The following FGF5 variants were observed in gnomAD, a reference collection of about 807,000 sequenced individuals.
FGF5 encodes fibroblast growth factor 5.
Under a neutral mutation model 21.8 loss-of-function variants are expected in FGF5, and 23 were observed. The ratio of observed to expected loss-of-function variants is 1.05; its 90% confidence interval spans 0.76 to 1.49. The LOEUF (loss-of-function observed/expected upper bound fraction) is 1.49, where lower values mean the gene tolerates loss of function less well. Among genes scored for constraint, FGF5 ranks in the 40% most tolerant of loss-of-function variants. FGF5 has a pLI of 0.00. For missense variants in FGF5, 352 were observed against 332.9 expected (o/e 1.06, Z -0.45); for synonymous variants, 158 against 124.0 (o/e 1.27, Z -1.82).
At position 80,274,920 on chromosome 4, in the gene FGF5, A is replaced by C. The variant is rs758053247; in HGVS notation, c.367A>C (p.Ile123Leu). The change falls in exon 2 of 3, where the codon ATA becomes CTA. Residue 123 changes from isoleucine to leucine, a missense_variant. By Grantham distance (5) the Ile-to-Leu change is conservative. Transcript: ENST00000312465. ...HEANMLSVLE[I>L]FAVSQGIVGI... is the part of the protein sequence containing the mutation. ...TTCTGTCATCCTAGGTGTTTTGGAAATATTTGCTGTGTCTCAGGGGATTGT... is the reference window on the plus strand; with the variant it reads ...TTCTGTCATCCTAGGTGTTTTGGAACTATTTGCTGTGTCTCAGGGGATTGT... 53 of 1,553,160 alleles carry C rather than the reference A, an allele frequency of 3.4e-5. 1 individual carries two copies. In the South Asian group the frequency reaches 6.0e-4, roughly 18 times the overall value.
intron 1 of FGF5, among the ~76,000 whole-genome samples, chr4:80,274,132 A>G (rs1283276854): frequency 6.6e-6 from 1 of 152,144 alleles, no homozygotes; most frequent in South Asian, 2.1e-4. Flanking sequence ...AATTCTCTTG[A>G]TCCAGTGGAC....
At chr4:80,275,061 A>G in intron 2 of FGF5, 49 bp downstream of exon 2, 1 of 787,378 alleles carries the variant, frequency 1.3e-6, no homozygotes, top group East Asian at 2.9e-5. Flanking sequence ...AAGATTTTAC[A>G]TTTGTAAAAC....
At chr4:80,271,249 T>C (rs552864962) in intron 1 of FGF5, among the ~76,000 whole-genome samples, 20 of 152,250 alleles carry the variant, frequency 1.3e-4, no homozygotes, top group African/African-American at 4.6e-4. Flanking sequence ...TGCAGAGGAC[T>C]AAGTCAAAAA....
rs34952306 is a variant in FGF5 at position 80,284,726 on chromosome 4, G to A, written c.460-1599G>A. On this transcript the variant is annotated intron_variant, in intron 2 of 2. Transcript: ENST00000312465. ...CCTGCACTGCTCAGAAACTCCATGT[G>A]GACTTCAACAGTGGATCTATGTAGA... Among the ~76,000 whole-genome samples, 1,103 of 152,256 alleles carry A rather than the reference G, an allele frequency of 7.2e-3. 5 individuals are homozygous for A. The highest frequency in any genetic ancestry group is 0.023 in the African/African-American group (976 of 41,550).
rs1470287781 is a variant in FGF5 at position 80,288,415 on chromosome 4, G to A, written c.*1743G>A. ...TGTTTTATTATAAAGCCAATTATCT[G>A]ATTAAGCATTCTTTCCACTGAATGC... is the stretch of plus-strand genomic sequence containing the variant. On this transcript the variant is annotated 3_prime_UTR_variant, in exon 3 of 3. Transcript: ENST00000312465. 2 of 151,946 alleles carry A rather than the reference G, an allele frequency of 1.3e-5. No individual in the cohort carries two copies. Among genetic ancestry groups the A allele is most frequent in the Non-Finnish European group, 2.9e-5 (2 of 67,996 alleles). 9.4% of individuals were successfully genotyped at this position (151,946 alleles called of 1,614,324 possible).
intron 2 of FGF5, among the ~76,000 whole-genome samples, chr4:80,278,463 G>A (rs1053642925): frequency 3.3e-5 from 5 of 151,952 alleles, no homozygotes; most frequent in Non-Finnish European, 2.9e-5. Flanking sequence ...TACAAATGTT[G>A]GTTATTCATT....
chr4:80,290,634 C>A lies in FGF5; in HGVS notation c.*3962C>A, dbSNP rs1450908547. ...ACATGTGCCATGCTGGTGTGCTGCA[C>A]CCACCAACCTGTCATCCAGCATTAG... On this transcript the variant is annotated 3_prime_UTR_variant, in exon 3 of 3. Coordinates refer to ENST00000312465, the MANE Select transcript of FGF5 (RefSeq NM_004464.4). 1 of 152,076 alleles carries A rather than the reference C, an allele frequency of 6.6e-6. No individual in the cohort carries two copies. Among genetic ancestry groups the A allele is most frequent in the African/African-American group, 2.4e-5 (1 of 41,402 alleles). 9.4% of individuals were successfully genotyped at this position (152,076 alleles called of 1,614,324 possible). A position where few individuals can be genotyped will look rare whatever the true frequency, so the allele number is the denominator to read the frequency against.
At position 80,287,280 on chromosome 4, in the gene FGF5, T is replaced by A. The variant is rs1720763735; in HGVS notation, c.*608T>A. The A allele has an allele frequency of 6.6e-6, 1 of 152,212 alleles. No individual in the cohort carries two copies. The highest frequency in any genetic ancestry group is 6.5e-5 in the Admixed American group (1 of 15,270). The allele number at this position is 152,212 out of a possible 1,614,324, so 9.4% of individuals were successfully genotyped here. ...TTTTTATTGTTTTTATTTCTAGCCA[T>A]ACCTCAGATAATATGTTTAGTTTTA... On this transcript the variant is annotated 3_prime_UTR_variant, in exon 3 of 3. Transcript: ENST00000312465.
At chr4:80,282,230 G>A (rs776355408) in intron 2 of FGF5, among the ~76,000 whole-genome samples, 1 of 152,112 alleles carries the variant, frequency 6.6e-6, no homozygotes, top group Non-Finnish European at 1.5e-5. Context: ...CCAAAGTGCT[G>A]TGATTACAGA....
At chr4:80,281,138 C>A (rs941635160) in intron 2 of FGF5, among the ~76,000 whole-genome samples, 5 of 152,052 alleles carry the variant, frequency 3.3e-5, no homozygotes, top group Non-Finnish European at 5.9e-5. Context: ...GGCAAGGCTA[C>A]AACTGACCCA....
chr4:80,278,442 C>T (rs976502630), intron 2 of FGF5, among the ~76,000 whole-genome samples: 3 of 152,040 alleles, frequency 2.0e-5, no homozygotes, highest in African/African-American at 7.3e-5. Flanking sequence ...GATGTGTCTG[C>T]CACAGAATTT....
At position 80,287,247 on chromosome 4, in the gene FGF5, A is replaced by G. The variant is rs969426556; in HGVS notation, c.*575A>G. 1 of 152,142 alleles carries G rather than the reference A, an allele frequency of 6.6e-6. No homozygotes were observed. Among genetic ancestry groups the G allele is most frequent in the Non-Finnish European group, 1.5e-5 (1 of 68,010 alleles). The allele number at this position is 152,142 out of a possible 1,614,324, so 9.4% of individuals were successfully genotyped here. On this transcript the variant is annotated 3_prime_UTR_variant, in exon 3 of 3. Coordinates refer to ENST00000312465, the MANE Select transcript of FGF5 (RefSeq NM_004464.4). ...GAAATCTTTTACATTTTTCCTATTC[A>G]CTGCACTTTTTTATTGTTTTTATTT... is the stretch of plus-strand genomic sequence containing the variant.
intron 2 of FGF5, among the ~76,000 whole-genome samples, chr4:80,281,514 A>C (rs1236370776): frequency 1.3e-5 from 2 of 152,230 alleles, no homozygotes; most frequent in African/African-American, 2.4e-5. Flanking sequence ...AAAGAAAACA[A>C]GCTGAAATAA....
In FGF5 at chr4:80,288,441, A is replaced by C. The variant is rs2109932798; in HGVS notation, c.*1769A>C. On this transcript the variant is annotated 3_prime_UTR_variant, in exon 3 of 3. Transcript: ENST00000312465. The stretch of plus-strand genomic sequence containing the variant: ...ATTAAGCATTCTTTCCACTGAATGC[A>C]TAATGTTTAAATAGCATAAAATGAA... 1 of 152,354 alleles carries C rather than the reference A, an allele frequency of 6.6e-6. No individual in the cohort carries two copies. The highest frequency in any genetic ancestry group is 3.4e-3 in the Middle Eastern group (1 of 294). 9.4% of individuals were successfully genotyped at this position (152,354 alleles called of 1,614,324 possible).
chr4:80,270,816 T>C (rs1720251335), intron 1 of FGF5, among the ~76,000 whole-genome samples: 1 of 152,244 alleles, frequency 6.6e-6, no homozygotes, highest in African/African-American at 2.4e-5. Flanking sequence ...TTTTGGTTAA[T>C]AGAATCGTCG....
Position 80,274,934 on chromosome 4 carries a change from T to C in FGF5, c.381T>C (p.Ser127=). The C allele has an allele frequency of 6.3e-7, 1 of 1,589,238 alleles. No individual in the cohort carries two copies. Among genetic ancestry groups the C allele is most frequent in the Non-Finnish European group, 8.6e-7 (1 of 1,161,086 alleles). The change falls in exon 2 of 3, where the codon TCT becomes TCC. Residue 127 remains serine (S), a synonymous_variant. Coordinates refer to ENST00000312465, the MANE Select transcript of FGF5 (RefSeq NM_004464.4). ...MLSVLEIFAV[S]QGIVGIRGVF... ...GTGTTTTGGAAATATTTGCTGTGTC[T>C]CAGGGGATTGTAGGAATACGAGGAG...
intron 2 of FGF5, among the ~76,000 whole-genome samples, chr4:80,275,320 A>G (rs1720380454): frequency 6.6e-6 from 1 of 151,998 alleles, no homozygotes; most frequent in Non-Finnish European, 1.5e-5. Flanking sequence ...GGAATATGGC[A>G]ATAATATATT....
intron 2 of FGF5, among the ~76,000 whole-genome samples, chr4:80,278,630 A>C (rs1018166278): frequency 5.9e-5 from 9 of 152,344 alleles, no homozygotes; most frequent in African/African-American, 1.9e-4. Flanking sequence ...GAGCAGATTC[A>C]GGCAGCATTG....
At position 80,287,010 on chromosome 4, in the gene FGF5, A is replaced by G. The variant is rs1202375460; in HGVS notation, c.*338A>G. The G allele has an allele frequency of 5.3e-6, 1 of 187,546 alleles. No individual in the cohort carries two copies. The highest frequency in any genetic ancestry group is 2.3e-5 in the African/African-American group (1 of 43,076). 11.6% of individuals were successfully genotyped at this position (187,546 alleles called of 1,614,324 possible). A position where few individuals can be genotyped will look rare whatever the true frequency, so the allele number is the denominator to read the frequency against. ...CTTTTACAGATTAACCTGAAAGAAC[A>G]TACATGATACATTTTTATTTTTGGT... On this transcript the variant is annotated 3_prime_UTR_variant, in exon 3 of 3. Transcript: ENST00000312465.
Sources: gnomAD v4.1 joint callset for allele counts (sites outside exome capture counted in the v4.1 genomes callset) on GRCh38, gnomAD v4.1.1 for gene constraint, MANE v1.5 for transcripts, NCBI Gene and HGNC (gene_info 2026-07-23, HGNC 2026-07-21) for gene names.